The following RBFOX1 variants were observed in gnomAD, a reference collection of about 807,000 sequenced individuals.
The protein encoded by RBFOX1 is RNA binding protein fox-1 homolog 1.
Under a neutral mutation model 57.7 loss-of-function variants are expected in RBFOX1, and 8 were observed. The observed-to-expected ratio is 0.14, with a 90% CI of 0.08 to 0.25. The LOEUF (loss-of-function observed/expected upper bound fraction) is 0.25, where lower values mean the gene tolerates loss of function less well. RBFOX1 is among the 10% of genes least tolerant of loss of function. The pLI is 1.00. For missense variants in RBFOX1, 611 were observed against 548.5 expected, an observed-to-expected ratio of 1.11 and a Z score of -1.14; for synonymous variants, 326 against 222.4, an observed-to-expected ratio of 1.47 and a Z score of -4.15.
intron 1 of RBFOX1, among the ~76,000 whole-genome samples, chr16:6,063,520 TC>T (rs67569795): frequency 0.23 from 34,452 of 149,794 alleles, 4,856 homozygotes; most frequent in Non-Finnish European, 0.31. Flanking sequence ...CTTATATTTT[TC>T]CCCTAGTACC....
chr16:6,409,546 A>G (rs566446891), intron 2 of RBFOX1, among the ~76,000 whole-genome samples: 2 of 152,308 alleles, frequency 1.3e-5, no homozygotes, highest in Non-Finnish European at 2.9e-5. Context: ...ATGTTTTTTG[A>G]TAATATACCT....
At chr16:6,708,297 C>CAG (rs148208630) in intron 3 of RBFOX1, among the ~76,000 whole-genome samples, 3 of 143,130 alleles carry the variant, frequency 2.1e-5, no homozygotes, top group Non-Finnish European at 4.7e-5. Context: ...AACACACACA[C>CAG]ACACACACTC....
At chr16:6,539,800 A>AACACACACACACACACAC (rs1192980631) in intron 2 of RBFOX1, among the ~76,000 whole-genome samples, 3 of 57,552 alleles carry the variant, frequency 5.2e-5, no homozygotes, top group Non-Finnish European at 8.9e-5. Context: ...TGCATCTCAA[A>AACACACACACACACACAC]ACACAGACAC....
At chr16:5,706,771 A>C (rs4451950) in intron 3 of RBFOX1, among the ~76,000 whole-genome samples, 1 of 151,902 alleles carries the variant, frequency 6.6e-6, no homozygotes, top group East Asian at 1.9e-4. Flanking sequence ...GGGCACCCCT[A>C]TGAATTTGCA....
chr16:6,456,190 G>A (rs906398471), intron 2 of RBFOX1, among the ~76,000 whole-genome samples: 2 of 152,138 alleles, frequency 1.3e-5, no homozygotes, highest in African/African-American at 2.4e-5. Flanking sequence ...TTAAGACCAA[G>A]TCCTTTCAGA....
chr16:7,335,561 C>G (rs1194812865), intron 4 of RBFOX1, among the ~76,000 whole-genome samples: 2 of 148,506 alleles, frequency 1.3e-5, no homozygotes, highest in Admixed American at 6.8e-5. Flanking sequence ...CAGCATCGCC[C>G]TGTTTTAGTT....
chr16:6,923,878 A>G (rs2075014185), intron 3 of RBFOX1, among the ~76,000 whole-genome samples: 1 of 152,098 alleles, frequency 6.6e-6, no homozygotes, highest in Admixed American at 6.5e-5. Context: ...TGCTATAAAG[A>G]AATACCTGAA....
chr16:7,264,184 G>A (rs1202899756), intron 4 of RBFOX1, among the ~76,000 whole-genome samples: 5 of 152,098 alleles, frequency 3.3e-5, no homozygotes, highest in Non-Finnish European at 7.4e-5. Flanking sequence ...CAGACCTCAA[G>A]CACTTAGCCA....
intron 3 of RBFOX1, among the ~76,000 whole-genome samples, chr16:5,686,691 G>GA (rs992084322): frequency 5.3e-5 from 8 of 152,006 alleles, no homozygotes; most frequent in African/African-American, 1.4e-4. Flanking sequence ...GGTAATATGG[G>GA]AAAAAAATGC....
intron 3 of RBFOX1, among the ~76,000 whole-genome samples, chr16:6,968,733 C>G (rs900183826): frequency 1.3e-5 from 2 of 152,172 alleles, no homozygotes; most frequent in African/African-American, 4.8e-5. Context: ...CTGGCCTCAT[C>G]TCCCTCCTCT....
intron 3 of RBFOX1, among the ~76,000 whole-genome samples, chr16:7,007,025 A>C (rs79585849): frequency 2.0e-5 from 3 of 152,208 alleles, no homozygotes; most frequent in Non-Finnish European, 4.4e-5. Flanking sequence ...TCACGGTTCT[A>C]TAGGTGAGAA....
chr16:7,121,618 T>C (rs944481134), intron 4 of RBFOX1, among the ~76,000 whole-genome samples: 1 of 152,042 alleles, frequency 6.6e-6, no homozygotes, highest in Middle Eastern at 3.2e-3. Context: ...AAAGTATTAA[T>C]TCTGTACAAA....
intron 1 of RBFOX1, among the ~76,000 whole-genome samples, chr16:6,076,508 C>G (rs149881248): frequency 0.01 from 1,548 of 152,154 alleles, 12 homozygotes; most frequent in Non-Finnish European, 0.016. Context: ...TGCTCTGTCA[C>G]CCAGGCTGGA....
intron 3 of RBFOX1, among the ~76,000 whole-genome samples, chr16:6,835,839 T>C (rs1046772144): frequency 6.8e-6 from 1 of 146,882 alleles, no homozygotes; most frequent in Non-Finnish European, 1.5e-5. Context: ...TTCTACTCCA[T>C]AATGTGATAC....
chr16:5,638,765 G>A (rs1401580968), intron 3 of RBFOX1, among the ~76,000 whole-genome samples: 1 of 152,154 alleles, frequency 6.6e-6, no homozygotes, highest in African/African-American at 2.4e-5. Flanking sequence ...ATCCTGTACT[G>A]GTTCAGAGAC....
At chr16:7,579,730 C>G (rs769111837) in intron 5 of RBFOX1, 47 bp from the exon 6 acceptor site, 1 of 1,610,368 alleles carries the variant, frequency 6.2e-7, no homozygotes, top group Non-Finnish European at 8.5e-7. Flanking sequence ...CGGAAGAGAG[C>G]ACTGTGGTCC....
At chr16:7,489,667 C>G (rs192365867) in intron 4 of RBFOX1, among the ~76,000 whole-genome samples, 63 of 152,048 alleles carry the variant, frequency 4.1e-4, no homozygotes, top group Middle Eastern at 6.8e-3. Context: ...AGGCACACAC[C>G]ACTATGCCCA....
chr16:6,546,565 C>T (rs1476688189), intron 2 of RBFOX1, among the ~76,000 whole-genome samples: 26 of 152,208 alleles, frequency 1.7e-4, no homozygotes, highest in Admixed American at 1.6e-3. Flanking sequence ...GGCATTCTCC[C>T]TGGCTCTTTT....
intron 3 of RBFOX1, among the ~76,000 whole-genome samples, chr16:5,622,854 C>T (rs929171474): frequency 6.6e-6 from 1 of 152,232 alleles, no homozygotes; most frequent in African/African-American, 2.4e-5. Context: ...ATGGCTGCGT[C>T]TGAACCCAAC....
Sources: gnomAD v4.1 joint callset for allele counts (sites outside exome capture counted in the v4.1 genomes callset) on GRCh38, gnomAD v4.1.1 for gene constraint, MANE v1.5 for transcripts, NCBI Gene and HGNC (gene_info 2026-07-23, HGNC 2026-07-21) for gene names.